Variants in ZFHX3 observed in about 807,000 individuals in gnomAD.
The protein encoded by ZFHX3 is zinc finger homeobox 3.
Under a neutral mutation model 279.1 loss-of-function variants are expected in ZFHX3, and 42 were observed. That is an observed-to-expected ratio of 0.15 (90% CI 0.12 to 0.19). The LOEUF (loss-of-function observed/expected upper bound fraction) is 0.19. Ranked by LOEUF, ZFHX3 falls within the 10% of genes least tolerant of loss-of-function variation. The probability of loss-of-function intolerance (pLI) is 1.00; values close to 1 mark genes in which losing one functional copy is unlikely to be tolerated. For missense variants in ZFHX3, 4,981 were observed against 4,754.0 expected (o/e 1.05, Z -1.40); for synonymous variants, 2,293 against 1,957.8 (o/e 1.17, Z -4.52).
chr16:73,302,452 G>T (rs1443433208), intron 4 of ZFHX3, among the ~76,000 whole-genome samples: 2 of 152,216 alleles, frequency 1.3e-5, no homozygotes, highest in South Asian at 2.1e-4. Context: ...CACAACTGAG[G>T]TTTAGAGAGA....
chr16:72,830,491 T>G (rs531139796), intron 4 of ZFHX3, among the ~76,000 whole-genome samples: 1 of 152,334 alleles, frequency 6.6e-6, no homozygotes, highest in East Asian at 1.9e-4. Flanking sequence ...GGAAGTGAGA[T>G]TTGTAGAGTA....
intron 1 of ZFHX3, among the ~76,000 whole-genome samples, chr16:73,776,506 T>C (rs922837330): frequency 6.6e-5 from 10 of 151,748 alleles, no homozygotes. Context: ...CGACAGGGAG[T>C]AGCAATAATA....
rs1379655744 is a variant in ZFHX3, at chr16:73,010,035, A to AAAAAAAAC, written c.-50+37716_-50+37717insGTTTTTTT. Among the ~76,000 whole-genome samples the AAAAAAAAC allele has an allele frequency of 6.6e-5, 10 of 151,584 alleles. No homozygotes were observed. In the East Asian group the frequency reaches 1.4e-3, roughly 21 times the overall value. On this transcript the variant is annotated intron_variant, in intron 1 of 9. Coordinates refer to ENST00000268489, the MANE Select transcript of ZFHX3 (RefSeq NM_006885.4). ...GACTCCCTCTCAAAGAAAAAAAAAA[A>AAAAAAAAC]AAAAAAAACTCATAAAGGTACACAG... is the stretch of plus-strand genomic sequence containing the variant.
chr16:72,981,937 C>G (rs138447779), intron 1 of ZFHX3, among the ~76,000 whole-genome samples: 1,760 of 146,166 alleles, frequency 0.012, 42 homozygotes, highest in African/African-American at 0.042. Context: ...GGCTGGAATG[C>G]AGTGGCGCCA....
chr16:72,936,066 A>C (rs1960107571), intron 3 of ZFHX3, among the ~76,000 whole-genome samples: 1 of 152,200 alleles, frequency 6.6e-6, no homozygotes, highest in South Asian at 2.1e-4. Flanking sequence ...CAGCTGCATG[A>C]TCTTGCCAGG....
chr16:73,036,194 G>A (rs1964897092), intron 1 of ZFHX3, among the ~76,000 whole-genome samples: 1 of 152,218 alleles, frequency 6.6e-6, no homozygotes, highest in Non-Finnish European at 1.5e-5. Flanking sequence ...CGGGAGGAAG[G>A]TGCAGGCAGC....
At chr16:73,225,144 T>C (rs946313737) in intron 5 of ZFHX3, among the ~76,000 whole-genome samples, 2 of 152,210 alleles carry the variant, frequency 1.3e-5, no homozygotes, top group Non-Finnish European at 2.9e-5. Flanking sequence ...ATTAGTGTAC[T>C]GCCAAGTCTT....
At chr16:73,306,442 C>G (rs2015181905) in intron 4 of ZFHX3, among the ~76,000 whole-genome samples, 1 of 152,166 alleles carries the variant, frequency 6.6e-6, no homozygotes, top group African/African-American at 2.4e-5. Context: ...GCCTCAGCCT[C>G]CCATGTACCT....
intron 5 of ZFHX3, among the ~76,000 whole-genome samples, chr16:72,826,413 A>G (rs539191331): frequency 1.5e-4 from 23 of 152,326 alleles, no homozygotes; most frequent in African/African-American, 4.1e-4. Context: ...ATCACTATTT[A>G]TTTACTTGCC....
intron 2 of ZFHX3, among the ~76,000 whole-genome samples, chr16:72,952,848 G>A (rs1318308785): frequency 1.3e-5 from 2 of 152,152 alleles, no homozygotes; most frequent in Non-Finnish European, 2.9e-5. Context: ...GAAGCGTACG[G>A]TCAAGCAGAA....
chr16:73,748,560 T>C (rs1285077699), intron 1 of ZFHX3, among the ~76,000 whole-genome samples: 2 of 152,200 alleles, frequency 1.3e-5, no homozygotes, highest in African/African-American at 4.8e-5. Context: ...GCTCATGCTA[T>C]ACCCTCTGTT....
intron 3 of ZFHX3, among the ~76,000 whole-genome samples, chr16:72,931,779 C>T (rs912159567): frequency 1.4e-4 from 21 of 152,130 alleles, no homozygotes; most frequent in Non-Finnish European, 2.6e-4. Flanking sequence ...ATCCGAGCCA[C>T]GGACACTGTG....
intron 3 of ZFHX3, among the ~76,000 whole-genome samples, chr16:73,432,759 T>G (rs113805918): frequency 6.7e-6 from 1 of 148,428 alleles, no homozygotes; most frequent in East Asian, 2.0e-4. Context: ...AAGAGCATCT[T>G]AGAATCGCTC....
chr16:73,048,692 G>A (rs959045176), upstream of ZFHX3, among the ~76,000 whole-genome samples: 1 of 152,244 alleles, frequency 6.6e-6, no homozygotes, highest in Non-Finnish European at 1.5e-5. Flanking sequence ...TCAAGCATGG[G>A]GACAGGAGCC....
At chr16:73,121,637 A>T (rs768033365) in intron 7 of ZFHX3, among the ~76,000 whole-genome samples, 1 of 143,332 alleles carries the variant, frequency 7.0e-6, no homozygotes, top group Non-Finnish European at 1.5e-5. Flanking sequence ...TTTTTTTGAG[A>T]TGGAGTCTTG....
chr16:73,429,357 G>A (rs1162911097), intron 3 of ZFHX3, among the ~76,000 whole-genome samples: 1 of 152,090 alleles, frequency 6.6e-6, no homozygotes, highest in Non-Finnish European at 1.5e-5. Flanking sequence ...TTATGAGATG[G>A]AGTCTCACTT....
intron 3 of ZFHX3, among the ~76,000 whole-genome samples, chr16:73,427,024 G>T (rs1365856713): frequency 1.3e-5 from 2 of 152,138 alleles, no homozygotes; most frequent in African/African-American, 4.8e-5. Context: ...TAAAATGTCA[G>T]CTCAGCCATG....
chr16:73,129,379 G>GACACACACACACACACACACACACACAC lies in ZFHX3; in HGVS notation c.-897+1561_-897+1588dup, dbSNP rs59666622. Among the ~76,000 whole-genome samples the GACACACACACACACACACACACACACAC allele has an allele frequency of 5.8e-5, 8 of 137,928 alleles. No individual in the cohort carries two copies. In the East Asian group the frequency reaches 1.3e-3, roughly 23 times the overall value. 90.5% of individuals were successfully genotyped at this position (137,928 alleles called of 152,430 possible). ...CTCCAGCCTGGGTGGCAGAGACTCT[G>GACACACACACACACACACACACACACAC]ACACACACACACACACACACACACA... On this transcript the variant is annotated intron_variant, in intron 7 of 17. Transcript: ENST00000641206.
chr16:73,843,224 C>A (rs565502297), intron 1 of ZFHX3, among the ~76,000 whole-genome samples: 97 of 152,302 alleles, frequency 6.4e-4, no homozygotes, highest in African/African-American at 2.3e-3. Flanking sequence ...GAACGGAGAA[C>A]AAAGACTGGA....
Sources: gnomAD v4.1 joint callset for allele counts (sites outside exome capture counted in the v4.1 genomes callset) on GRCh38, gnomAD v4.1.1 for gene constraint, MANE v1.5 for transcripts, NCBI Gene and HGNC (gene_info 2026-07-23, HGNC 2026-07-21) for gene names.